The following FKBP15 variants were observed in gnomAD, a reference collection of about 807,000 sequenced individuals.
FKBP15 encodes FK506-binding protein 15.
Under a neutral mutation model 158.1 loss-of-function variants are expected in FKBP15, and 106 were observed. The ratio of observed to expected loss-of-function variants is 0.67; its 90% CI spans 0.57 to 0.79. The LOEUF is 0.79. Among genes scored for constraint, FKBP15 ranks in the 30% least tolerant of loss-of-function variants. FKBP15 has a pLI of 0.00. For missense variants in FKBP15, 1,287 were observed against 1,479.1 expected, an observed-to-expected ratio of 0.87 and a Z score of 2.13; for synonymous variants, 547 against 548.6, an observed-to-expected ratio of 1.00 and a Z score of 0.04.
At chr9:113,186,226 A>G (rs1239553227) in intron 15 of FKBP15, 23 bp downstream of exon 15, 3 of 1,506,094 alleles carry the variant, frequency 2.0e-6, no homozygotes, top group Non-Finnish European at 2.7e-6. Context: ...GGAAGATGAG[A>G]AACTGAGGGA....
chr9:113,173,260 T>C (rs1830245030), intron 23 of FKBP15, among the ~76,000 whole-genome samples, 193 bp downstream of exon 23: 1 of 152,220 alleles, frequency 6.6e-6, no homozygotes, highest in African/African-American at 2.4e-5. Flanking sequence ...AGTGCTGTTT[T>C]CTCTTTTTCC....
In FKBP15 at chr9:113,182,861, C is replaced by T; in HGVS notation, c.1819G>A (p.Glu607Lys). Reference sequence around the variant, plus strand: ...TTCTCCATCATCAGGTTACTCTGCTCAACATACCTGTGAAAGAAATAGAGA... The same window carrying T: ...TTCTCCATCATCAGGTTACTCTGCTTAACATACCTGTGAAAGAAATAGAGA... ...ELIERNQRYV[E>K]QSNLMMEKRN... The change falls in exon 19 of 28, where the codon GAG becomes AAG. Residue 607 changes from glutamate (E) to lysine (K), a missense_variant. Physicochemically the swap from Glu to Lys is moderately conservative, Grantham distance 56. Coordinates refer to ENST00000238256, the MANE Select transcript of FKBP15 (RefSeq NM_015258.2). The T allele has an allele frequency of 1.2e-6, 2 of 1,613,252 alleles. No homozygotes were observed. The highest frequency in any genetic ancestry group is 1.7e-6 in the Non-Finnish European group (2 of 1,179,304).
rs761881988 is a variant in FKBP15 at position 113,198,918 on chromosome 9, G to A, written c.654C>T (p.Phe218=). ...ACTTATCTTTGTTAGCAGTGGAGTCGAAAACCTGCAATTTGATCGAAGGAA... is the reference window on the plus strand; with the variant it reads ...ACTTATCTTTGTTAGCAGTGGAGTCAAAAACCTGCAATTTGATCGAAGGAA... The part of the protein sequence containing the change: ...LFQNHVLGQV[F]DSTANKDKLL... Residue 218 remains phenylalanine, a synonymous_variant, in exon 8 of 28, where the codon TTC becomes TTT. Coordinates refer to ENST00000238256, the MANE Select transcript of FKBP15 (RefSeq NM_015258.2). This position sits in a 1 kb window ranked among gnomAD's most constrained non-coding sequence, Gnocchi z 5.2. 21 of 1,599,676 alleles carry A rather than the reference G, an allele frequency of 1.3e-5. No individual in the cohort carries two copies. The highest frequency in any genetic ancestry group is 2.2e-5 in the East Asian group (1 of 44,528).
chr9:113,188,097 T>G (rs1239446911), intron 13 of FKBP15, among the ~76,000 whole-genome samples, 198 bp from the exon 14 acceptor site: 1 of 152,136 alleles, frequency 6.6e-6, no homozygotes, highest in African/African-American at 2.4e-5. Flanking sequence ...GACTCAGCCC[T>G]AGGATCCCAC....
In FKBP15 at chr9:113,198,830, T is replaced by TA. The variant is rs761524311; in HGVS notation, c.717+24dup. ...AAACCCACTGCAACTGATAAAACCA[T>TA]AAAAAAACACAGTTAAGCCTTTACC... On this transcript the variant is annotated intron_variant, in intron 8 of 27. Transcript: ENST00000238256. This position sits in a 1 kb window ranked among gnomAD's most constrained non-coding sequence, Gnocchi z 5.2. The TA allele has an allele frequency of 1.0e-5, 16 of 1,552,086 alleles. No homozygotes were observed. In the South Asian group the frequency reaches 1.1e-4, roughly 10 times the overall value.
chr9:113,189,768 C>T (rs536488603), intron 12 of FKBP15, among the ~76,000 whole-genome samples: 9 of 151,860 alleles, frequency 5.9e-5, no homozygotes, highest in East Asian at 5.8e-4. Context: ...TGAGAAAGGA[C>T]GATTATATTC....
chr9:113,214,914 C>A (rs1831086953), intron 1 of FKBP15, among the ~76,000 whole-genome samples: 1 of 152,208 alleles, frequency 6.6e-6, no homozygotes, highest in Admixed American at 6.5e-5. Flanking sequence ...ATGAACCAAC[C>A]TCTGCTCACT....
intron 12 of FKBP15, among the ~76,000 whole-genome samples, chr9:113,190,054 C>T (rs1830548362): frequency 6.6e-6 from 1 of 152,168 alleles, no homozygotes; most frequent in East Asian, 1.9e-4. Flanking sequence ...CATACAAAGT[C>T]AAAAGACATA....
In FKBP15 at chr9:113,174,534, T is replaced by A. The variant is rs1437225715; in HGVS notation, c.2273A>T (p.Glu758Val). 7 of 1,614,028 alleles carry A rather than the reference T, an allele frequency of 4.3e-6. No individual in the cohort carries two copies. The highest frequency in any genetic ancestry group is 5.9e-6 in the Non-Finnish European group (7 of 1,179,898). Residue 758 changes from glutamate to valine, a missense_variant, in exon 22 of 28, where the codon GAG becomes GTG. Glu to Val is a moderately radical substitution (Grantham distance 121). Coordinates refer to ENST00000238256, the MANE Select transcript of FKBP15 (RefSeq NM_015258.2). ...CTTGCGAATTTCATCTATCTCCTCC[T>A]CGGCCTGAGAACGCTCTTGAGCTGA... ...KKSAQERSQA[E>V]EEIDEIRKSY...
chr9:113,175,644 T>C (rs1443368891), intron 21 of FKBP15, among the ~76,000 whole-genome samples: 2 of 152,118 alleles, frequency 1.3e-5, no homozygotes, highest in Non-Finnish European at 2.9e-5. Context: ...TAGAAAAATA[T>C]TTACAACATC....
At chr9:113,179,584 C>A (rs1443311351) in intron 19 of FKBP15, among the ~76,000 whole-genome samples, 1 of 151,518 alleles carries the variant, frequency 6.6e-6, no homozygotes, top group Non-Finnish European at 1.5e-5. Context: ...TCACTTGAAC[C>A]TGGGAGGCAG....
chr9:113,207,066 T>C (rs996710720), intron 3 of FKBP15, 146 bp downstream of exon 3: 1 of 652,288 alleles, frequency 1.5e-6, no homozygotes, highest in Non-Finnish European at 2.7e-6. Flanking sequence ...AAATCTCCAA[T>C]TCAGATGTTA....
At position 113,162,669 on chromosome 9, in the gene FKBP15, TTCTACTCCCTGATA is replaced by T. The variant is rs1248364307; in HGVS notation, c.*3395_*3408del. On this transcript the variant is annotated 3_prime_UTR_variant, in exon 28 of 28. Coordinates refer to ENST00000238256, the MANE Select transcript of FKBP15 (RefSeq NM_015258.2). ...AATCGGGTCACGTAACTCAACAGCT[TTCTACTCCCTGATA>T]TCTACTCCCAGCTTCCTCATTACCA... The T allele has an allele frequency of 7.4e-7, 1 of 1,344,582 alleles. No homozygotes were observed. The highest frequency in any genetic ancestry group is 1.5e-5 in the African/African-American group (1 of 68,602). The allele number at this position is 1,344,582 out of a possible 1,614,324, so 83.3% of individuals were successfully genotyped here.
intron 11 of FKBP15, among the ~76,000 whole-genome samples, chr9:113,191,988 T>C (rs1273890661): frequency 1.3e-5 from 2 of 151,712 alleles, no homozygotes; most frequent in African/African-American, 4.8e-5. Flanking sequence ...AGGTGGTTAA[T>C]TTCATGTAAC....
intron 9 of FKBP15, among the ~76,000 whole-genome samples, chr9:113,196,045 C>G (rs139588550): frequency 6.6e-6 from 1 of 151,606 alleles, no homozygotes; most frequent in Non-Finnish European, 1.5e-5. Context: ...CACACACACA[C>G]GCACATATGA....
In FKBP15 at chr9:113,198,094, A is replaced by T. The variant is rs1830721632; in HGVS notation, c.717+761T>A. ...CACCTGCACAGTTAATAAAGAAAAA[A>T]TTCACAACTTGAACCCAAGTTCTCG... On this transcript the variant is annotated intron_variant, in intron 8 of 27. Coordinates refer to ENST00000238256, the MANE Select transcript of FKBP15 (RefSeq NM_015258.2). This position sits in a 1 kb window ranked among gnomAD's most constrained non-coding sequence, Gnocchi z 5.2. 6.6e-6 allele frequency among the ~76,000 whole-genome samples: 1 copy of T among 152,196 alleles called. No individual in the cohort carries two copies. Among genetic ancestry groups the T allele is most frequent in the African/African-American group, 2.4e-5 (1 of 41,440 alleles).
chr9:113,173,707 A>G, intron 22 of FKBP15, 102 bp from the exon 23 acceptor site: 1 of 1,205,278 alleles, frequency 8.3e-7, no homozygotes, highest in South Asian at 1.4e-5. Context: ...AGAATAAGCT[A>G]ACAGCCCAGA....
chr9:113,197,921 T>C (rs1830717484), intron 8 of FKBP15, among the ~76,000 whole-genome samples: 2 of 152,316 alleles, frequency 1.3e-5, no homozygotes, highest in South Asian at 4.1e-4. Context: ...GGAAAAAGTC[T>C]CCATAGGATT....
At position 113,211,752 on chromosome 9, in the gene FKBP15, T is replaced by TTA. The variant is rs111510294; in HGVS notation, c.54-161_54-160insTA. Among the ~76,000 whole-genome samples, 39 of 149,692 alleles carry TTA rather than the reference T, an allele frequency of 2.6e-4. 1 individual carries two copies. Among genetic ancestry groups the TTA allele is most frequent in the African/African-American group, 8.1e-4 (33 of 40,840 alleles). On this transcript the variant is annotated intron_variant, in intron 1 of 27. Transcript: ENST00000238256. ...AAGCTAGGAAAGCTGATTTAAAAAT[T>TTA]AAAAAAAAAAATAAATAAAAATATT...
Sources: allele counts gnomAD v4.1 joint callset (sites outside exome capture counted in the v4.1 genomes callset), GRCh38; gene constraint gnomAD v4.1.1; non-coding constraint Gnocchi (gnomAD v3.1); transcripts MANE v1.5; gene names NCBI Gene and HGNC (gene_info 2026-07-23, HGNC 2026-07-21).